Variants in STAMBP observed in about 807,000 individuals in gnomAD.
The protein encoded by STAMBP is STAM-binding protein.
STAMBP carries 31 observed loss-of-function variants against 50.7 expected under a neutral mutation model. That is an observed-to-expected ratio of 0.61 (90% CI 0.46 to 0.83). The LOEUF (loss-of-function observed/expected upper bound fraction) is 0.83. Ranked by LOEUF, STAMBP falls within the 40% of genes least tolerant of loss-of-function variation. The probability of loss-of-function intolerance (pLI) is 0.00; values close to 1 mark genes in which losing one functional copy is unlikely to be tolerated. For missense variants in STAMBP, 472 were observed against 518.9 expected, an observed-to-expected ratio of 0.91 and a Z score of 0.88; for synonymous variants, 211 against 192.4, an observed-to-expected ratio of 1.10 and a Z score of -0.80.
chr2:73,857,114 T>G (rs1186842647), intron 7 of STAMBP, among the ~76,000 whole-genome samples: 1 of 152,248 alleles, frequency 6.6e-6, no homozygotes, highest in Non-Finnish European at 1.5e-5. Flanking sequence ...TTTCTCCCAC[T>G]TTGCAGTGGT....
At chr2:73,857,338 T>C (rs753858643) in intron 7 of STAMBP, among the ~76,000 whole-genome samples, 5 of 152,260 alleles carry the variant, frequency 3.3e-5, no homozygotes, top group Non-Finnish European at 5.9e-5. Flanking sequence ...ACCAGTGGGA[T>C]CAGAGTCCCC....
rs1056590209 is a variant in STAMBP at position 73,847,831 on chromosome 2, TACCTCCCTGA to T, written c.742+79_742+88del. 16 of 1,516,638 alleles carry T rather than the reference TACCTCCCTGA, an allele frequency of 1.1e-5. No homozygotes were observed. In the African/African-American group the frequency reaches 2.1e-4, roughly 20 times the overall value. 93.9% of individuals were successfully genotyped at this position (1,516,638 alleles called of 1,614,324 possible). ...CATTCTGACGGGGTCAACCTAAGAT[TACCTCCCTGA>T]TCCCACTCATTAAGCTTTGGTCACA... On this transcript the variant is annotated intron_variant, in intron 5 of 9. Transcript: ENST00000394070.
intron 2 of STAMBP, among the ~76,000 whole-genome samples, chr2:73,832,108 T>TATATATATATATATATATAC (rs1006072205): frequency 0.029 from 3,489 of 121,316 alleles, 90 homozygotes; most frequent in Non-Finnish European, 0.037. Context: ...TATATATATA[T>TATATATATATATATATATAC]ACACATATAT....
intron 8 of STAMBP, 79 bp downstream of exon 8, chr2:73,859,445 T>A (rs1678016061): frequency 9.0e-7 from 1 of 1,110,404 alleles, no homozygotes; most frequent in South Asian, 1.3e-5. Context: ...GTCTCTATTC[T>A]TGTGGACTTG....
chr2:73,867,759 T>C (rs1400324578), downstream of STAMBP, among the ~76,000 whole-genome samples: 3 of 152,176 alleles, frequency 2.0e-5, no homozygotes, highest in African/African-American at 7.2e-5. Context: ...AGATATGAAT[T>C]AAGCATCGGA....
intron 7 of STAMBP, among the ~76,000 whole-genome samples, chr2:73,854,390 A>C (rs1237359700): frequency 1.3e-5 from 2 of 152,228 alleles, no homozygotes; most frequent in Admixed American, 1.3e-4. Context: ...GCTACAAATG[A>C]ATAAAAGAGT....
chr2:73,862,884 AT>A lies in STAMBP; in HGVS notation c.*626del, dbSNP rs1413854608. ...TCTACAATAAAGTAACAATTAACTTATGTTTTTGTGCTTCAGAGTGATCCAT... is the reference window on the plus strand; with the variant it reads ...TCTACAATAAAGTAACAATTAACTTAGTTTTTGTGCTTCAGAGTGATCCAT... On this transcript the variant is annotated 3_prime_UTR_variant, in exon 10 of 10. Transcript: ENST00000394070. 6.6e-6 allele frequency: 1 copy of A among 152,574 alleles called. No individual in the cohort carries two copies. The highest frequency in any genetic ancestry group is 1.5e-5 in the Non-Finnish European group (1 of 68,024). 9.5% of individuals were successfully genotyped at this position (152,574 alleles called of 1,614,324 possible). A position where few individuals can be genotyped will look rare whatever the true frequency, so the allele number is the denominator to read the frequency against.
At chr2:73,872,112 A>G (rs547691240), downstream of STAMBP, among the ~76,000 whole-genome samples, 1 of 152,206 alleles carries the variant, frequency 6.6e-6, no homozygotes, top group East Asian at 1.9e-4. Context: ...TCAACACAAT[A>G]TTTGGAATTG....
chr2:73,843,434 A>ATATATATATATATATATATATAT (rs1675689565), intron 2 of STAMBP, among the ~76,000 whole-genome samples: 1 of 146,860 alleles, frequency 6.8e-6, no homozygotes, highest in African/African-American at 2.5e-5. Context: ...ATATATATAT[A>ATATATATATATATATATATATAT]AATTAAAAAA....
chr2:73,856,941 A>G (rs576346251), intron 7 of STAMBP, among the ~76,000 whole-genome samples: 1 of 152,144 alleles, frequency 6.6e-6, no homozygotes, highest in African/African-American at 2.4e-5. Flanking sequence ...AAGACCCACC[A>G]TACTGATCTC....
downstream of STAMBP, among the ~76,000 whole-genome samples, chr2:73,868,408 T>C (rs1679054386): frequency 6.6e-6 from 1 of 152,080 alleles, no homozygotes. Flanking sequence ...CTGAGAGCCC[T>C]GAGGCGTTTG....
rs79055541 is a variant in STAMBP, at chr2:73,851,001, T to A, written c.1005+488T>A. Among the ~76,000 whole-genome samples the A allele has an allele frequency of 0.023, 3,495 of 152,374 alleles. 132 individuals carry two copies. The highest frequency in any genetic ancestry group is 0.078 in the African/African-American group (3,256 of 41,578). ...GATTTTCAAGTGTCTGCATATCTTG[T>A]GCAGCCTTCTGGTAATGTTCAGGTA... On this transcript the variant is annotated intron_variant, in intron 7 of 9. Coordinates refer to ENST00000394070, the MANE Select transcript of STAMBP (RefSeq NM_213622.4).
At chr2:73,846,178 G>A (rs570985195) in intron 4 of STAMBP, among the ~76,000 whole-genome samples, 2 of 152,024 alleles carry the variant, frequency 1.3e-5, no homozygotes, top group East Asian at 1.9e-4. Context: ...TTATTACTTA[G>A]CATTTCTTTC....
At chr2:73,851,985 TG>T (rs1676874998) in intron 7 of STAMBP, among the ~76,000 whole-genome samples, 1 of 152,198 alleles carries the variant, frequency 6.6e-6, no homozygotes, top group African/African-American at 2.4e-5. Context: ...CTGGAGGGTC[TG>T]GGGTGGACAG....
rs910226077 is a variant in STAMBP at position 73,863,173 on chromosome 2, G to T, written c.*914G>T. On this transcript the variant is annotated 3_prime_UTR_variant, in exon 10 of 10. Coordinates refer to ENST00000394070, the MANE Select transcript of STAMBP (RefSeq NM_213622.4). The stretch of plus-strand genomic sequence containing the variant: ...TTTGGCTGAGGATAATGAAGCCTTT[G>T]TTTGGAGTACCAGGTTACACTCCAA... 3 of 152,158 alleles carry T rather than the reference G, an allele frequency of 2.0e-5. No homozygotes were observed. The highest frequency in any genetic ancestry group is 7.2e-5 in the African/African-American group (3 of 41,420). 9.4% of individuals were successfully genotyped at this position (152,158 alleles called of 1,614,324 possible). A position where few individuals can be genotyped will look rare whatever the true frequency, so the allele number is the denominator to read the frequency against.
At chr2:73,837,382 G>A (rs1034163533) in intron 2 of STAMBP, among the ~76,000 whole-genome samples, 3 of 151,946 alleles carry the variant, frequency 2.0e-5, no homozygotes, top group South Asian at 2.1e-4. Context: ...TCAGGAGATC[G>A]AGACCATCCT....
chr2:73,830,916 G>C lies in STAMBP; in HGVS notation c.60G>C (p.Gln20His). ...PPEDRVRALS[Q>H]LGSAVEVNED... ...AAGACCGGGTGAGGGCTCTCTCCCA[G>C]CTGGGTAGTGCGGTAGAGGTGAATG... Residue 20 changes from glutamine (Q) to histidine (H), a missense_variant, in exon 2 of 10, where the codon CAG becomes CAC. Transcript: ENST00000394070. The C allele has an allele frequency of 6.2e-7, 1 of 1,614,080 alleles. No individual in the cohort carries two copies. The highest frequency in any genetic ancestry group is 8.5e-7 in the Non-Finnish European group (1 of 1,180,030).
At chr2:73,861,610 C>G (rs1299177004) in intron 9 of STAMBP, among the ~76,000 whole-genome samples, 1 of 152,068 alleles carries the variant, frequency 6.6e-6, no homozygotes, top group African/African-American at 2.4e-5. Context: ...CCTCTGCCCC[C>G]CAGGTTCAAA....
At chr2:73,872,782 C>T (rs1436811300) in intron 10 of STAMBP, among the ~76,000 whole-genome samples, 1 of 152,086 alleles carries the variant, frequency 6.6e-6, no homozygotes, top group Non-Finnish European at 1.5e-5. Flanking sequence ...GGATTTCAGA[C>T]AGATTCCTAG....
Sources: allele counts gnomAD v4.1 joint callset (sites outside exome capture counted in the v4.1 genomes callset), GRCh38; gene constraint gnomAD v4.1.1; transcripts MANE v1.5; gene names NCBI Gene and HGNC (gene_info 2026-07-23, HGNC 2026-07-21).